Variants in SSH2 observed in about 807,000 individuals in gnomAD.
SSH2 encodes protein phosphatase Slingshot homolog 2.
A neutral mutation model predicts 135.2 loss-of-function variants in SSH2; 37 were observed. The observed-to-expected ratio is 0.27, with a 90% CI of 0.21 to 0.36. The LOEUF is 0.36. Ranked by LOEUF, SSH2 falls within the 10% of genes least tolerant of loss-of-function variation. The pLI is 1.00. For missense variants in SSH2, 1,408 were observed against 1,765.3 expected (o/e 0.80, Z 3.63); for synonymous variants, 628 against 646.2 (o/e 0.97, Z 0.43).
At chr17:29,648,371 T>C (rs772645517) in intron 13 of SSH2, 27 bp from the exon 14 acceptor site, 18 of 1,559,858 alleles carry the variant, frequency 1.2e-5, no homozygotes, top group South Asian at 3.6e-5. Context: ...AGGTAAAGAA[T>C]AGAGGAAAAT....
intron 1 of SSH2, among the ~76,000 whole-genome samples, chr17:29,853,351 C>T (rs894809163): frequency 4.6e-5 from 7 of 151,718 alleles, no homozygotes; most frequent in Non-Finnish European, 8.8e-5. Flanking sequence ...TCCCAAAGTG[C>T]TGGGATTACA....
chr17:29,809,934 C>A (rs1015445067), intron 2 of SSH2, among the ~76,000 whole-genome samples: 4 of 152,076 alleles, frequency 2.6e-5, no homozygotes, highest in Admixed American at 2.0e-4. Context: ...CTGGGTTCCA[C>A]GGTCTTTCCA....
At chr17:29,913,567 G>A (rs950588263) in intron 1 of SSH2, among the ~76,000 whole-genome samples, 3 of 149,910 alleles carry the variant, frequency 2.0e-5, no homozygotes, top group Admixed American at 1.3e-4. Context: ...CCCCTAGGAA[G>A]CAATATTTAT....
At chr17:29,652,821 C>T (rs1449625806) in intron 12 of SSH2, among the ~76,000 whole-genome samples, 3 of 152,044 alleles carry the variant, frequency 2.0e-5, no homozygotes, top group Non-Finnish European at 4.4e-5. Context: ...CCACTCCCAC[C>T]TAATTTTTGT....
rs758387709 is a variant in SSH2 at position 29,636,771 on chromosome 17, G to A, written c.1459C>T (p.His487Tyr). 1.2e-6 allele frequency: 2 copies of A among 1,613,190 alleles called. No individual in the cohort carries two copies. The highest frequency in any genetic ancestry group is 8.5e-7 in the Non-Finnish European group (1 of 1,179,450). ...TGGTCTGAGAGGTCACTATCTGAATGAGATCTCCATAGTTTGTTATGCCGC... is the reference window on the plus strand; with the variant it reads ...TGGTCTGAGAGGTCACTATCTGAATAAGATCTCCATAGTTTGTTATGCCGC... Reference protein sequence around the residue: ...KQRHNKLWRSHSDSDLSDHHE... With the variant: ...KQRHNKLWRSYSDSDLSDHHE... The change falls in exon 15 of 16, where the codon CAT becomes TAT. Residue 487 changes from histidine to tyrosine, a missense_variant. His to Tyr is a moderately conservative substitution (Grantham distance 83). Around this residue, in one of 3 missense-constraint regions of SSH2, gnomAD observed 106 missense variants for 265.2 expected, o/e 0.40. Transcript: ENST00000540801.
At chr17:29,913,226 G>A (rs1013949325) in intron 1 of SSH2, among the ~76,000 whole-genome samples, 10 of 142,230 alleles carry the variant, frequency 7.0e-5, no homozygotes, top group African/African-American at 2.4e-4. Context: ...GCTGAGGCAC[G>A]ACAATCGCTT....
intron 2 of SSH2, among the ~76,000 whole-genome samples, chr17:29,821,170 C>T (rs373585364): frequency 2.6e-5 from 4 of 152,158 alleles, no homozygotes; most frequent in East Asian, 3.9e-4. Context: ...GGGTATAAGC[C>T]CTCCTTTCCT....
At chr17:29,724,319 G>A (rs547311087) in intron 3 of SSH2, among the ~76,000 whole-genome samples, 2 of 152,066 alleles carry the variant, frequency 1.3e-5, no homozygotes, top group South Asian at 2.1e-4. Context: ...GCCTGAGGTC[G>A]GGAGTTCAAG....
rs1316364459 is a variant in SSH2 at position 29,626,248 on chromosome 17, A to G, written c.*4593T>C. Reference sequence around the variant, plus strand: ...GGAGAGTCTTCTGGACTTGTTTTCCATGTTAGAACAAGTCCTACAAAACAA... The same window carrying G: ...GGAGAGTCTTCTGGACTTGTTTTCCGTGTTAGAACAAGTCCTACAAAACAA... On this transcript the variant is annotated 3_prime_UTR_variant, in exon 16 of 16. Coordinates refer to ENST00000540801, the MANE Select transcript of SSH2 (RefSeq NM_001282129.2). The G allele has an allele frequency of 6.6e-6, 1 of 152,184 alleles. No individual in the cohort carries two copies. The highest frequency in any genetic ancestry group is 1.9e-4 in the East Asian group (1 of 5,166). The allele number at this position is 152,184 out of a possible 1,614,324, so 9.4% of individuals were successfully genotyped here.
intron 2 of SSH2, among the ~76,000 whole-genome samples, chr17:29,813,808 G>A (rs563948508): frequency 2.0e-5 from 3 of 149,702 alleles, no homozygotes; most frequent in South Asian, 2.1e-4. Flanking sequence ...AGAAGAGCGA[G>A]ACTTCATCTC....
intron 3 of SSH2, among the ~76,000 whole-genome samples, chr17:29,767,203 G>A (rs565116814): frequency 2.8e-4 from 42 of 152,192 alleles, no homozygotes; most frequent in African/African-American, 9.4e-4. Flanking sequence ...AACACCATAT[G>A]CTCCTGTAGG....
At chr17:29,911,055 A>C (rs1479151173) in intron 1 of SSH2, among the ~76,000 whole-genome samples, 1 of 151,914 alleles carries the variant, frequency 6.6e-6, no homozygotes, top group East Asian at 1.9e-4. Flanking sequence ...GCCCTGGACA[A>C]CCTCCATTTC....
chr17:29,867,334 C>G (rs1216150784), intron 1 of SSH2, among the ~76,000 whole-genome samples: 1 of 152,142 alleles, frequency 6.6e-6, no homozygotes, highest in Non-Finnish European at 1.5e-5. Context: ...ATTTATTTCT[C>G]TCCTCAGACC....
chr17:29,786,870 C>T (rs952408630), intron 3 of SSH2, among the ~76,000 whole-genome samples: 1 of 152,030 alleles, frequency 6.6e-6, no homozygotes, highest in Non-Finnish European at 1.5e-5. Context: ...TGGGACTGAG[C>T]CCATTACTGT....
At chr17:29,701,296 G>A (rs1321114699) in intron 4 of SSH2, among the ~76,000 whole-genome samples, 3 of 151,892 alleles carry the variant, frequency 2.0e-5, no homozygotes, top group Non-Finnish European at 2.9e-5. Context: ...TTATAGAGAT[G>A]AGGTTTCGCC....
At chr17:29,707,059 A>T (rs1286600211) in intron 3 of SSH2, 2 of 151,866 alleles carry the variant, frequency 1.3e-5, no homozygotes, top group Non-Finnish European at 2.9e-5. Flanking sequence ...GGGCTGAGGC[A>T]GGAGAATGGC....
At chr17:29,642,740 A>C (rs1177051907) in intron 14 of SSH2, among the ~76,000 whole-genome samples, 1 of 152,182 alleles carries the variant, frequency 6.6e-6, no homozygotes, top group Non-Finnish European at 1.5e-5. Context: ...GGAGGTGCAA[A>C]AAGTCCCTTG....
chr17:29,772,468 T>C (rs1598973719), intron 3 of SSH2, among the ~76,000 whole-genome samples: 1 of 152,136 alleles, frequency 6.6e-6, no homozygotes, highest in Non-Finnish European at 1.5e-5. Flanking sequence ...AAATCAGGTC[T>C]TCTTACTCTT....
At position 29,692,422 on chromosome 17, in the gene SSH2, C is replaced by T. The variant is rs117917832; in HGVS notation, c.357+3037G>A. Among the ~76,000 whole-genome samples, 285 of 152,176 alleles carry T rather than the reference C, an allele frequency of 1.9e-3. 2 individuals carry two copies. In the East Asian group the frequency reaches 0.021, roughly 11 times the overall value. On this transcript the variant is annotated intron_variant, in intron 5 of 15. Coordinates refer to ENST00000540801, the MANE Select transcript of SSH2 (RefSeq NM_001282129.2). ...GTAACAACTCAAAACAACTGTAAAA[C>T]GGCTTGTCATTTGAACTTTGAATTC...
Sources: gnomAD v4.1 joint callset for allele counts (sites outside exome capture counted in the v4.1 genomes callset) on GRCh38, gnomAD v4.1.1 for gene constraint, gnomAD v4.1.1 regional missense constraint, MANE v1.5 for transcripts, NCBI Gene and HGNC (gene_info 2026-07-23, HGNC 2026-07-21) for gene names.